The following LOXHD1 variants were observed in gnomAD, a reference collection of about 807,000 sequenced individuals.
LOXHD1 encodes the protein lipoxygenase homology domain-containing protein 1.
LOXHD1 carries 205 observed loss-of-function variants against 248.2 expected under a neutral mutation model. The ratio of observed to expected loss-of-function variants is 0.83; its 90% CI spans 0.74 to 0.93. LOXHD1 has a LOEUF of 0.93. Ranked by LOEUF, LOXHD1 falls within the 40% of genes least tolerant of loss-of-function variation. LOXHD1 has a pLI of 0.00. For missense variants in LOXHD1, 2,930 were observed against 2,971.6 expected (o/e 0.99, Z 0.33); for synonymous variants, 1,113 against 1,162.8 (o/e 0.96, Z 0.87).
intron 37 of LOXHD1, among the ~76,000 whole-genome samples, chr18:46,501,633 G>A (rs2034239038): frequency 6.6e-6 from 1 of 152,140 alleles, no homozygotes; most frequent in Non-Finnish European, 1.5e-5. Context: ...GTTATCTATT[G>A]ATCAGTTGGT....
At chr18:46,560,862 G>C (rs972011341) in intron 18 of LOXHD1, among the ~76,000 whole-genome samples, 1 of 151,988 alleles carries the variant, frequency 6.6e-6, no homozygotes, top group Non-Finnish European at 1.5e-5. Context: ...ACGCGCGCGC[G>C]CGCGCCTCAT....
intron 19 of LOXHD1, 26 bp downstream of exon 19, chr18:46,560,057 A>ACC: frequency 7.6e-6 from 2 of 261,646 alleles, no homozygotes; most frequent in East Asian, 1.3e-4. Context: ...CTCCCTCCCC[A>ACC]CCCCCACCCC....
chr18:46,550,465 C>T lies in LOXHD1; in HGVS notation c.3351-3407G>A, dbSNP rs1254127728. Reference sequence around the variant, plus strand: ...GCGGGCGCCTGTAGTCCCAGCTACTCGGGAGGCTGAGGCAGGAGAATGGCG... The same window carrying T: ...GCGGGCGCCTGTAGTCCCAGCTACTTGGGAGGCTGAGGCAGGAGAATGGCG... On this transcript the variant is annotated intron_variant, in intron 21 of 40. Coordinates refer to ENST00000642948, the MANE Select transcript of LOXHD1 (RefSeq NM_001384474.1). Among the ~76,000 whole-genome samples, 10 of 149,242 alleles carry T rather than the reference C, an allele frequency of 6.7e-5. No individual in the cohort carries two copies. In the South Asian group the frequency reaches 8.6e-4, roughly 13 times the overall value.
intron 23 of LOXHD1, 21 bp downstream of exon 23, chr18:46,545,296 G>T: frequency 3.3e-6 from 5 of 1,510,206 alleles, no homozygotes; most frequent in Non-Finnish European, 4.5e-6. Context: ...GGTGAATCTT[G>T]GCCCTGCACT....
At chr18:46,619,321 A>T (rs1221468737) in intron 4 of LOXHD1, among the ~76,000 whole-genome samples, 1 of 152,116 alleles carries the variant, frequency 6.6e-6, no homozygotes, top group East Asian at 1.9e-4. Flanking sequence ...CCTGTTCCCT[A>T]GTGCCTTCTC....
intron 18 of LOXHD1, among the ~76,000 whole-genome samples, chr18:46,561,337 G>C (rs1476665864): frequency 6.6e-6 from 1 of 152,164 alleles, no homozygotes; most frequent in African/African-American, 2.4e-5. Flanking sequence ...GCACATAACT[G>C]GCCCAAAGGG....
At chr18:46,539,020 T>A (rs2068117274) in intron 25 of LOXHD1, among the ~76,000 whole-genome samples, 1 of 152,134 alleles carries the variant, frequency 6.6e-6, no homozygotes, top group Non-Finnish European at 1.5e-5. Context: ...CCAGGGACTA[T>A]CTCCCCTAGA....
chr18:46,534,246 T>C, intron 27 of LOXHD1, 89 bp downstream of exon 27: 1 of 831,086 alleles, frequency 1.2e-6, no homozygotes, highest in Non-Finnish European at 2.0e-6. Flanking sequence ...AAGGCTGATC[T>C]AGCCAGTAGG....
At chr18:46,548,703 G>C (rs1383494849) in intron 21 of LOXHD1, among the ~76,000 whole-genome samples, 1 of 152,178 alleles carries the variant, frequency 6.6e-6, no homozygotes, top group Admixed American at 6.5e-5. Flanking sequence ...GGTCAGAGCA[G>C]AGGTGGAGAC....
intron 8 of LOXHD1, among the ~76,000 whole-genome samples, chr18:46,600,977 C>T (rs565246382): frequency 2.0e-5 from 3 of 152,176 alleles, no homozygotes; most frequent in Non-Finnish European, 4.4e-5. Flanking sequence ...ACCAACTGAG[C>T]GCCTCTGGGT....
At chr18:46,548,133 A>T (rs1418363950) in intron 21 of LOXHD1, among the ~76,000 whole-genome samples, 1 of 152,106 alleles carries the variant, frequency 6.6e-6, no homozygotes, top group Non-Finnish European at 1.5e-5. Context: ...CATGCCTGGG[A>T]TCTCTGGACG....
At chr18:46,652,242 T>A (rs1266297955) in intron 1 of LOXHD1, among the ~76,000 whole-genome samples, 1 of 152,164 alleles carries the variant, frequency 6.6e-6, no homozygotes, top group East Asian at 1.9e-4. Context: ...GGGGACTGAC[T>A]GGGAAGGAAC....
At chr18:46,589,455 A>T (rs1349159366) in intron 12 of LOXHD1, among the ~76,000 whole-genome samples, 1 of 152,180 alleles carries the variant, frequency 6.6e-6, no homozygotes, top group Non-Finnish European at 1.5e-5. Context: ...GTCCTGTAGT[A>T]CCCATCACAG....
In LOXHD1 at chr18:46,509,829, G is replaced by A. The variant is rs1348573475; in HGVS notation, c.5400-14C>T. On this transcript the variant is annotated splice_polypyrimidine_tract_variant and intron_variant, in intron 34 of 40. Coordinates refer to ENST00000642948, the MANE Select transcript of LOXHD1 (RefSeq NM_001384474.1). ...TCCCGCTCAAACCTGGGGGTGGAGAGGAGGGGCATGAAGAAGGGAAGCTGG... is the reference window on the plus strand; with the variant it reads ...TCCCGCTCAAACCTGGGGGTGGAGAAGAGGGGCATGAAGAAGGGAAGCTGG... The A allele has an allele frequency of 1.3e-6, 2 of 1,522,800 alleles. No homozygotes were observed. Among genetic ancestry groups the A allele is most frequent in the Admixed American group, 2.0e-5 (1 of 50,548 alleles). The allele number at this position is 1,522,800 out of a possible 1,614,324, so 94.3% of individuals were successfully genotyped here. A position where few individuals can be genotyped will look rare whatever the true frequency, so the allele number is the denominator to read the frequency against.
At chr18:46,484,476 G>A (rs2032867691) in intron 39 of LOXHD1, among the ~76,000 whole-genome samples, 1 of 152,172 alleles carries the variant, frequency 6.6e-6, no homozygotes. Flanking sequence ...AGATGGCTAT[G>A]AACCAGGAGG....
chr18:46,602,459 G>A (rs1599041691), intron 7 of LOXHD1, among the ~76,000 whole-genome samples: 1 of 151,992 alleles, frequency 6.6e-6, no homozygotes, highest in Non-Finnish European at 1.5e-5. Context: ...ACCCCCCTCA[G>A]ACTCCCAAAG....
rs2144165581 is a variant in LOXHD1 at position 46,524,605 on chromosome 18, T to C, written c.4741-4A>G. ...TGCTGCGGTCCCCAGTGTACTCCTG[T>C]GTGGGAGAGCAGGACTGGCAGTTGC... On this transcript the variant is annotated splice_region_variant and splice_polypyrimidine_tract_variant and intron_variant, in intron 30 of 40. Transcript: ENST00000642948. 2 of 1,551,696 alleles carry C rather than the reference T, an allele frequency of 1.3e-6. No individual in the cohort carries two copies. The highest frequency in any genetic ancestry group is 2.4e-5 in the East Asian group (1 of 40,908).
At chr18:46,592,388 C>G in intron 11 of LOXHD1, 110 bp downstream of exon 11, 1 of 915,920 alleles carries the variant, frequency 1.1e-6, no homozygotes, top group Non-Finnish European at 1.7e-6. Context: ...CCTTTTCAGT[C>G]CCTATTCACA....
At chr18:46,623,316 A>T (rs1441744701) in intron 4 of LOXHD1, among the ~76,000 whole-genome samples, 2 of 152,142 alleles carry the variant, frequency 1.3e-5, no homozygotes, top group Non-Finnish European at 2.9e-5. Context: ...CAGCAACCCT[A>T]CCTTTCACAT....
Sources: allele counts gnomAD v4.1 joint callset (sites outside exome capture counted in the v4.1 genomes callset), GRCh38; gene constraint gnomAD v4.1.1; transcripts MANE v1.5; gene names NCBI Gene and HGNC (gene_info 2026-07-23, HGNC 2026-07-21).